ZIK1: variants seen among roughly 807,000 people sequenced by gnomAD.
The protein encoded by ZIK1 is zinc finger protein interacting with ribonucleoprotein K.
In ZIK1, 12 loss-of-function variants were observed where a neutral mutation model predicts 10.7. That is an observed-to-expected ratio of 1.12 (90% confidence interval 0.72 to 1.81). The LOEUF is 1.81. Among genes scored for constraint, ZIK1 ranks in the 40% most tolerant of loss-of-function variants. The pLI is 0.00. For missense variants in ZIK1, 497 were observed against 585.7 expected (o/e 0.85, Z 1.56); for synonymous variants, 190 against 205.0 (o/e 0.93, Z 0.63).
rs928009176 is a variant in ZIK1, at chr19:57,593,563, C to G, written c.*2288C>G. ...AGTAGTACAGTGTACGTGAATGCGT[C>G]ACTTTTAAAGACAAGGCCAGACTAT... On this transcript the variant is annotated 3_prime_UTR_variant, in exon 4 of 4. Transcript: ENST00000597850. 4.6e-5 allele frequency: 7 copies of G among 152,098 alleles called. No individual in the cohort carries two copies. The highest frequency in any genetic ancestry group is 6.6e-5 in the Admixed American group (1 of 15,252). The allele number at this position is 152,098 out of a possible 1,614,324, so 9.4% of individuals were successfully genotyped here. A position where few individuals can be genotyped will look rare whatever the true frequency, so the allele number is the denominator to read the frequency against.
In ZIK1 at chr19:57,593,501, C is replaced by CAGAAA. The variant is rs1979881870; in HGVS notation, c.*2226_*2227insAGAAA. 6.6e-6 allele frequency: 1 copy of CAGAAA among 152,104 alleles called. No homozygotes were observed. The highest frequency in any genetic ancestry group is 1.5e-5 in the Non-Finnish European group (1 of 68,042). The allele number at this position is 152,104 out of a possible 1,614,324, so 9.4% of individuals were successfully genotyped here. A position where few individuals can be genotyped will look rare whatever the true frequency, so the allele number is the denominator to read the frequency against. ...TGCTACTATGAACATAGGCATATAA[C>CAGAAA]TCTTAATATGCAGAAATGCTTTATT... On this transcript the variant is annotated 3_prime_UTR_variant, in exon 4 of 4. Coordinates refer to ENST00000597850, the MANE Select transcript of ZIK1 (RefSeq NM_001010879.4).
chr19:57,591,231 C>T lies in ZIK1; in HGVS notation c.1420C>T (p.Gln474Ter). 1.2e-6 allele frequency: 2 copies of T among 1,613,910 alleles called. No individual in the cohort carries two copies. Among genetic ancestry groups the T allele is most frequent in the Non-Finnish European group, 1.7e-6 (2 of 1,179,832 alleles). Residue 474 changes from glutamine (Q) to a stop codon, truncating the protein, a stop_gained, in exon 4 of 4, where the codon CAA (glutamine) becomes TAA (stop). Coordinates refer to ENST00000597850, the MANE Select transcript of ZIK1 (RefSeq NM_001010879.4). LOFTEE classifies it low-confidence loss of function (END_TRUNC). ...CAACAAATGTGGGAATTCCTTTAGC[C>T]AATGCTCCAGCCTCATACATCACCA... The part of the protein sequence containing the change: ...ECNKCGNSFS[Q>*]CSSLIHHQKC...
In ZIK1 at chr19:57,588,565, C is replaced by CA; in HGVS notation, c.100dup (p.Ile34AsnfsTer12). 3 of 1,572,204 alleles carry CA rather than the reference C, an allele frequency of 1.9e-6. No homozygotes were observed. The highest frequency in any genetic ancestry group is 2.6e-6 in the Non-Finnish European group (3 of 1,155,666). On this transcript the variant is annotated frameshift_variant, in exon 3 of 4. Coordinates refer to ENST00000597850, the MANE Select transcript of ZIK1 (RefSeq NM_001010879.4). LOFTEE classifies it high-confidence loss of function. ...GCTGTGTGACCTTTGAGGACATCGC[C>CA]ATTTACTTCTCACAGGACGAGTGGG... is the stretch of plus-strand genomic sequence containing the variant.
intron 2 of ZIK1, 136 bp downstream of exon 2, chr19:57,585,126 C>T (rs1474606574): frequency 4.0e-6 from 3 of 754,294 alleles, no homozygotes. Flanking sequence ...TGATTCTAGA[C>T]TGGTGGTTAT....
At chr19:57,584,607 G>A in intron 1 of ZIK1, 2 of 1,397,156 alleles carry the variant, frequency 1.4e-6, no homozygotes, top group Non-Finnish European at 1.9e-6. Context: ...TACCTGGAGT[G>A]CCAAGGTGAG....
At position 57,590,438 on chromosome 19, in the gene ZIK1, T is replaced by C. The variant is rs375829858; in HGVS notation, c.627T>C (p.Ser209=). ...GGGAGGACATTCGCAGTCAAAAAAG[T>C]CATTACAAGTCAGGTGAATGTGGGA... The part of the protein sequence containing the change: ...ECGEDIRSQK[S]HYKSGECGKA... Residue 209 remains serine, a synonymous_variant, in exon 4 of 4, where the codon AGT becomes AGC. Transcript: ENST00000597850. The C allele has an allele frequency of 6.2e-7, 1 of 1,614,108 alleles. No homozygotes were observed. Among genetic ancestry groups the C allele is most frequent in the African/African-American group, 1.3e-5 (1 of 75,024 alleles).
intron 2 of ZIK1, among the ~76,000 whole-genome samples, chr19:57,588,025 G>A (rs1473272778): frequency 6.6e-6 from 1 of 152,164 alleles, no homozygotes; most frequent in Non-Finnish European, 1.5e-5. Flanking sequence ...AAGGAACAGA[G>A]TCAGGAAGAT....
At position 57,584,349 on chromosome 19, in the gene ZIK1, A is replaced by G; in HGVS notation, c.-8A>G. 1 of 1,597,672 alleles carries G rather than the reference A, an allele frequency of 6.3e-7. No individual in the cohort carries two copies. The highest frequency in any genetic ancestry group is 8.5e-7 in the Non-Finnish European group (1 of 1,172,776). On this transcript the variant is annotated 5_prime_UTR_variant, in exon 1 of 4. Coordinates refer to ENST00000597850, the MANE Select transcript of ZIK1 (RefSeq NM_001010879.4). ...CGGGTCCCGGCCCCGCTCTGCCCAC[A>G]GACTCCGATGGCTGCGGCCGCGCTG...
chr19:57,588,870 C>T (rs576266123), intron 3 of ZIK1, among the ~76,000 whole-genome samples: 1 of 151,608 alleles, frequency 6.6e-6, no homozygotes, highest in African/African-American at 2.4e-5. Context: ...CTTCAGTCAG[C>T]CAAATGGATC....
chr19:57,586,616 A>G (rs1568612938), intron 2 of ZIK1, among the ~76,000 whole-genome samples: 1 of 152,188 alleles, frequency 6.6e-6, no homozygotes, highest in African/African-American at 2.4e-5. Context: ...ACTGTGTCTC[A>G]TGCTTGGACA....
chr19:57,591,500 CACAGTG>C lies in ZIK1; in HGVS notation c.*226_*231del. 1 of 559,770 alleles carries C rather than the reference CACAGTG, an allele frequency of 1.8e-6. No individual in the cohort carries two copies. The highest frequency in any genetic ancestry group is 2.8e-5 in the East Asian group (1 of 35,444). The allele number at this position is 559,770 out of a possible 1,614,324, so 34.7% of individuals were successfully genotyped here. ...AAACCATCTACCCTCTACCACCTTG[CACAGTG>C]GGCACTGGTCACTCCTATGTGCTAA... is the stretch of plus-strand genomic sequence containing the variant. On this transcript the variant is annotated 3_prime_UTR_variant, in exon 4 of 4. Coordinates refer to ENST00000597850, the MANE Select transcript of ZIK1 (RefSeq NM_001010879.4).
chr19:57,588,310 T>A (rs912446491), intron 2 of ZIK1, among the ~76,000 whole-genome samples: 12 of 152,062 alleles, frequency 7.9e-5, no homozygotes, highest in African/African-American at 2.9e-4. Context: ...GGGAACTGCC[T>A]GACAAGAAGG....
intron 2 of ZIK1, among the ~76,000 whole-genome samples, chr19:57,585,492 TGA>T (rs1213199599): frequency 1.3e-5 from 2 of 152,054 alleles, no homozygotes; most frequent in East Asian, 3.9e-4. Context: ...GTGGCCAAGG[TGA>T]GTTTTGATAG....
chr19:57,588,550 C>A lies in ZIK1; in HGVS notation c.84C>A (p.Thr28=). ...THMDLTKGCV[T]FEDIAIYFSQ... ...CCCCATCATGACAGGGCTGTGTGAC[C>A]TTTGAGGACATCGCCATTTACTTCT... Residue 28 remains threonine, a synonymous_variant, in exon 3 of 4, where the codon ACC becomes ACA. Coordinates refer to ENST00000597850, the MANE Select transcript of ZIK1 (RefSeq NM_001010879.4). 1.3e-6 allele frequency: 2 copies of A among 1,547,126 alleles called. No individual in the cohort carries two copies. Among genetic ancestry groups the A allele is most frequent in the Admixed American group, 1.8e-5 (1 of 55,362 alleles).
intron 3 of ZIK1, 111 bp from the exon 4 acceptor site, chr19:57,589,900 C>G (rs1291565184): frequency 9.7e-6 from 13 of 1,336,784 alleles, no homozygotes; most frequent in African/African-American, 1.5e-5. Flanking sequence ...GCCCCCAGCT[C>G]CATTATCCTC....
rs1157917761 is a variant in ZIK1 at position 57,592,948 on chromosome 19, T to C, written c.*1673T>C. On this transcript the variant is annotated 3_prime_UTR_variant, in exon 4 of 4. Transcript: ENST00000597850. The stretch of plus-strand genomic sequence containing the variant: ...GTACTTTCCAGGCCTTCAGGAGTCC[T>C]GTCATTTACTTTCCCTACAGGAGAA... 1.3e-5 allele frequency: 2 copies of C among 152,000 alleles called. No homozygotes were observed. Among genetic ancestry groups the C allele is most frequent in the Non-Finnish European group, 2.9e-5 (2 of 67,984 alleles). The allele number at this position is 152,000 out of a possible 1,614,324, so 9.4% of individuals were successfully genotyped here. A position where few individuals can be genotyped will look rare whatever the true frequency, so the allele number is the denominator to read the frequency against.
chr19:57,587,681 G>A (rs1296949794), intron 2 of ZIK1, among the ~76,000 whole-genome samples: 1 of 152,198 alleles, frequency 6.6e-6, no homozygotes, highest in East Asian at 1.9e-4. Flanking sequence ...GTGGTATTAT[G>A]CTAGCAGGCC....
At chr19:57,588,842 C>T (rs1191372570) in intron 3 of ZIK1, among the ~76,000 whole-genome samples, 177 bp downstream of exon 3, 1 of 151,298 alleles carries the variant, frequency 6.6e-6, no homozygotes, top group Non-Finnish European at 1.5e-5. Flanking sequence ...GAACACCTGC[C>T]ACTGGGCAGC....
In ZIK1 at chr19:57,584,216, C is replaced by T; in HGVS notation, c.-141C>T. On this transcript the variant is annotated 5_prime_UTR_variant, in exon 1 of 4. Transcript: ENST00000597850. ...GCTTTGGGAGCGCTTTGTTTGGCGACAGTCGGAAGGCGCGAGGGGAGGGGT... is the reference window on the plus strand; with the variant it reads ...GCTTTGGGAGCGCTTTGTTTGGCGATAGTCGGAAGGCGCGAGGGGAGGGGT... 1 of 1,418,166 alleles carries T rather than the reference C, an allele frequency of 7.1e-7. No individual in the cohort carries two copies. Among genetic ancestry groups the T allele is most frequent in the Non-Finnish European group, 9.3e-7 (1 of 1,078,812 alleles). 87.8% of individuals were successfully genotyped at this position (1,418,166 alleles called of 1,614,324 possible). A position where few individuals can be genotyped will look rare whatever the true frequency, so the allele number is the denominator to read the frequency against.
Sources: gnomAD v4.1 joint callset for allele counts (sites outside exome capture counted in the v4.1 genomes callset) on GRCh38, gnomAD v4.1.1 for gene constraint, MANE v1.5 for transcripts, NCBI Gene and HGNC (gene_info 2026-07-23, HGNC 2026-07-21) for gene names.